The following VRK2 variants were observed in gnomAD, a reference collection of about 807,000 sequenced individuals.
VRK2 encodes the protein serine/threonine-protein kinase VRK2.
In VRK2, 60 loss-of-function variants were observed where a neutral mutation model predicts 57.6. The observed-to-expected ratio is 1.04, with a 90% confidence interval of 0.85 to 1.29. VRK2 has a LOEUF of 1.29. Ranked by LOEUF, VRK2 falls within the 50% of genes most tolerant of loss-of-function variation. The pLI is 0.00. For missense variants in VRK2, 705 were observed against 588.1 expected, an observed-to-expected ratio of 1.20 and a Z score of -2.06; for synonymous variants, 231 against 199.2, an observed-to-expected ratio of 1.16 and a Z score of -1.35.
chr2:58,008,853 T>A (rs1673334192), intron 1 of VRK2, among the ~76,000 whole-genome samples: 1 of 152,084 alleles, frequency 6.6e-6, no homozygotes, highest in Non-Finnish European at 1.5e-5. Context: ...TTCTCACTGT[T>A]CTAGAGGCTG....
chr2:57,941,956 T>C (rs940172404), intron 1 of VRK2, among the ~76,000 whole-genome samples: 3 of 152,318 alleles, frequency 2.0e-5, no homozygotes, highest in Admixed American at 1.3e-4. Flanking sequence ...TAAATATATT[T>C]TGCCCACTTA....
intron 1 of VRK2, among the ~76,000 whole-genome samples, chr2:58,008,505 T>C (rs1003407449): frequency 2.0e-5 from 3 of 151,682 alleles, no homozygotes; most frequent in Admixed American, 2.0e-4. Flanking sequence ...GTTTTTTTCC[T>C]GTGGTTAACA....
intron 1 of VRK2, among the ~76,000 whole-genome samples, chr2:58,024,714 A>C (rs527314367): frequency 7.2e-4 from 109 of 152,248 alleles, no homozygotes; most frequent in Non-Finnish European, 1.3e-3. Flanking sequence ...AAGACATTTT[A>C]TTTCAAAGTT....
chr2:57,918,856 T>C (rs1670241379), intron 1 of VRK2, among the ~76,000 whole-genome samples: 1 of 152,136 alleles, frequency 6.6e-6, no homozygotes, highest in African/African-American at 2.4e-5. Context: ...CTGATCCTTC[T>C]TGATAAAATA....
At chr2:57,947,878 CTCTT>C (rs1297730478) in intron 1 of VRK2, among the ~76,000 whole-genome samples, 11 of 152,192 alleles carry the variant, frequency 7.2e-5, no homozygotes, top group African/African-American at 2.2e-4. Context: ...CCTTTTCTCT[CTCTT>C]TCTCTTCAGC....
intron 3 of VRK2, among the ~76,000 whole-genome samples, chr2:58,039,401 T>C (rs1316669300): frequency 2.0e-5 from 3 of 152,176 alleles, no homozygotes; most frequent in Admixed American, 2.0e-4. Flanking sequence ...CATATTCCTC[T>C]CTCCTTATTC....
At chr2:58,016,504 C>A (rs898540983) in intron 1 of VRK2, among the ~76,000 whole-genome samples, 1 of 152,052 alleles carries the variant, frequency 6.6e-6, no homozygotes. Context: ...AGGTGCACAC[C>A]ACCATACCCG....
intron 10 of VRK2, among the ~76,000 whole-genome samples, chr2:58,137,498 A>G (rs1332461153): frequency 1.3e-5 from 2 of 151,894 alleles, no homozygotes; most frequent in Non-Finnish European, 2.9e-5. Flanking sequence ...AATCCATACT[A>G]TTATTTATAA....
intron 1 of VRK2, among the ~76,000 whole-genome samples, chr2:57,970,511 A>G (rs1045475754): frequency 6.6e-6 from 1 of 151,502 alleles, no homozygotes; most frequent in Admixed American, 6.6e-5. Flanking sequence ...AAATACAAAG[A>G]AAACAAAAAT....
intron 2 of VRK2, among the ~76,000 whole-genome samples, chr2:58,030,982 A>G (rs1674094219): frequency 6.6e-6 from 1 of 152,058 alleles, no homozygotes; most frequent in Non-Finnish European, 1.5e-5. Flanking sequence ...CATGTGACTG[A>G]TCAAACATTT....
intron 11 of VRK2, among the ~76,000 whole-genome samples, chr2:58,141,180 T>G (rs1459064445): frequency 6.6e-6 from 1 of 152,084 alleles, no homozygotes; most frequent in African/African-American, 2.4e-5. Context: ...AAGAGCCATT[T>G]CCTTGACGTA....
intron 1 of VRK2, among the ~76,000 whole-genome samples, chr2:58,019,512 A>C (rs1361283695): frequency 1.3e-5 from 2 of 152,202 alleles, no homozygotes; most frequent in Non-Finnish European, 1.5e-5. Flanking sequence ...AATGATAGTA[A>C]GTATGTAACT....
chr2:57,942,608 T>C (rs953027398), intron 1 of VRK2, among the ~76,000 whole-genome samples: 1 of 152,222 alleles, frequency 6.6e-6, no homozygotes, highest in African/African-American at 2.4e-5. Flanking sequence ...GTGTATGCTT[T>C]TTAAATAACT....
chr2:57,938,185 A>G (rs765685020), intron 1 of VRK2, among the ~76,000 whole-genome samples: 4 of 152,122 alleles, frequency 2.6e-5, no homozygotes, highest in Admixed American at 2.0e-4. Context: ...TACACTTTAA[A>G]TCATTTAAAA....
chr2:58,023,955 T>C (rs909542640), intron 1 of VRK2, among the ~76,000 whole-genome samples: 13 of 151,942 alleles, frequency 8.6e-5, no homozygotes, highest in African/African-American at 3.1e-4. Flanking sequence ...GTATTAATGA[T>C]GAACAATAAC....
At chr2:57,918,303 G>A (rs543868281) in intron 1 of VRK2, among the ~76,000 whole-genome samples, 1 of 152,076 alleles carries the variant, frequency 6.6e-6, no homozygotes, top group African/African-American at 2.4e-5. Context: ...ACCAGAAGGA[G>A]GAGAGGGGGA....
chr2:58,119,100 G>A (rs1186593499), intron 7 of VRK2, among the ~76,000 whole-genome samples: 4 of 152,180 alleles, frequency 2.6e-5, no homozygotes, highest in Non-Finnish European at 4.4e-5. Flanking sequence ...CAGGGGATGC[G>A]ATGGCTTGGC....
chr2:58,020,209 G>C (rs1249184261), intron 1 of VRK2, among the ~76,000 whole-genome samples: 8 of 152,168 alleles, frequency 5.3e-5, no homozygotes, highest in Non-Finnish European at 8.8e-5. Context: ...CAATTGCCAA[G>C]ATAAACTGTT....
intron 1 of VRK2, among the ~76,000 whole-genome samples, chr2:57,958,547 A>G (rs993262476): frequency 6.6e-6 from 1 of 151,906 alleles, no homozygotes; most frequent in African/African-American, 2.4e-5. Flanking sequence ...GAAGACTCGA[A>G]ACGATGTTGT....
Sources: gnomAD v4.1 joint callset for allele counts (sites outside exome capture counted in the v4.1 genomes callset) on GRCh38, gnomAD v4.1.1 for gene constraint, MANE v1.5 for transcripts, NCBI Gene and HGNC (gene_info 2026-07-23, HGNC 2026-07-21) for gene names.